Variants in ST8SIA2 observed in about 807,000 individuals in gnomAD.
ST8SIA2 encodes alpha-2,8-sialyltransferase 8B.
A neutral mutation model predicts 37.6 loss-of-function variants in ST8SIA2; 22 were observed. The ratio of observed to expected loss-of-function variants is 0.58; its 90% confidence interval spans 0.42 to 0.83. The LOEUF (loss-of-function observed/expected upper bound fraction) is 0.83. Among genes scored for constraint, ST8SIA2 ranks in the 40% least tolerant of loss-of-function variants. ST8SIA2 has a pLI of 0.00. For synonymous variants in ST8SIA2, 205 were observed against 201.2 expected (o/e 1.02, Z -0.16); for missense variants, 382 against 484.7 (o/e 0.79, Z 1.99).
chr15:92,466,972 G>A lies in ST8SIA2; in HGVS notation c.*2587G>A, dbSNP rs1596254300. 6.6e-6 allele frequency: 1 copy of A among 152,146 alleles called. No homozygotes were observed. The highest frequency in any genetic ancestry group is 2.4e-5 in the African/African-American group (1 of 41,362). The allele number at this position is 152,146 out of a possible 1,614,324, so 9.4% of individuals were successfully genotyped here. A position where few individuals can be genotyped will look rare whatever the true frequency, so the allele number is the denominator to read the frequency against. ...TCTGTACCCGGCCCCGAGATCCTCT[G>A]CTGTAACTGCAGGGTCACAGGCATC... On this transcript the variant is annotated 3_prime_UTR_variant, in exon 6 of 6. Transcript: ENST00000268164.
chr15:92,451,592 G>A (rs913478088), intron 5 of ST8SIA2, among the ~76,000 whole-genome samples: 1 of 152,130 alleles, frequency 6.6e-6, no homozygotes, highest in Non-Finnish European at 1.5e-5. Context: ...CTTGGGTGGT[G>A]ACTCAGAAAG....
chr15:92,443,031 G>C (rs1477992932), intron 4 of ST8SIA2, among the ~76,000 whole-genome samples: 1 of 152,098 alleles, frequency 6.6e-6, no homozygotes, highest in Admixed American at 6.5e-5. Flanking sequence ...TCAGTGCCTG[G>C]CACACACCAG....
chr15:92,422,684 T>C (rs1371175561), intron 1 of ST8SIA2: 1 of 152,624 alleles, frequency 6.6e-6, no homozygotes, highest in Non-Finnish European at 1.5e-5. Flanking sequence ...CCCTTGCCCA[T>C]CTAAGCACTT....
At chr15:92,413,562 G>A (rs901624166) in intron 1 of ST8SIA2, among the ~76,000 whole-genome samples, 4 of 152,132 alleles carry the variant, frequency 2.6e-5, no homozygotes, top group East Asian at 3.9e-4. Context: ...GGTAGTTTCC[G>A]CGCATCCTCA....
chr15:92,445,823 A>G (rs1473970521), intron 5 of ST8SIA2, among the ~76,000 whole-genome samples: 1 of 152,222 alleles, frequency 6.6e-6, no homozygotes, highest in Non-Finnish European at 1.5e-5. Context: ...GTCAACCTGG[A>G]TGGCATTCTT....
rs1424936615 is a variant in ST8SIA2, at chr15:92,435,798, C to G, written c.290+1423C>G. On this transcript the variant is annotated intron_variant, in intron 3 of 5. Coordinates refer to ENST00000268164, the MANE Select transcript of ST8SIA2 (RefSeq NM_006011.4). ...CCTCACGAAGCCCTAACAACCGCCC[C>G]CTTTGATCAGGGACACCGTGGAGTC... is the stretch of plus-strand genomic sequence containing the variant. 2.0e-5 allele frequency among the ~76,000 whole-genome samples: 3 copies of G among 152,138 alleles called. 1 individual carries two copies. The highest frequency in any genetic ancestry group is 7.2e-5 in the African/African-American group (3 of 41,426).
intron 1 of ST8SIA2, among the ~76,000 whole-genome samples, chr15:92,427,445 C>A (rs540345584): frequency 6.6e-6 from 1 of 152,180 alleles, no homozygotes; most frequent in African/African-American, 2.4e-5. Flanking sequence ...TCATCCAGAG[C>A]CACCTTAGAT....
rs1481469709 is a variant in ST8SIA2, at chr15:92,444,761, A to G, written c.674A>G (p.Lys225Arg). The change falls in exon 5 of 6, where the codon AAG becomes AGG. Residue 225 changes from lysine (K) to arginine (R), a missense_variant. By Grantham distance (26) the Lys-to-Arg change is conservative. Coordinates refer to ENST00000268164, the MANE Select transcript of ST8SIA2 (RefSeq NM_006011.4). ...EDLVNATWRE[K>R]LLQRLHSLNG... is the part of the protein sequence containing the mutation. ...TTGGTCAATGCCACGTGGCGGGAGA[A>G]GCTGCTGCAACGGCTGCACAGCCTC... is the stretch of plus-strand genomic sequence containing the variant. 5.6e-6 allele frequency: 9 copies of G among 1,614,038 alleles called. No individual in the cohort carries two copies. Among genetic ancestry groups the G allele is most frequent in the Non-Finnish European group, 7.6e-6 (9 of 1,180,040 alleles).
intron 1 of ST8SIA2, among the ~76,000 whole-genome samples, chr15:92,417,249 G>A (rs1044440131): frequency 6.6e-6 from 1 of 152,180 alleles, no homozygotes; most frequent in African/African-American, 2.4e-5. Flanking sequence ...CCTTCCATCT[G>A]ACACCAAGGC....
intron 2 of ST8SIA2, among the ~76,000 whole-genome samples, chr15:92,432,457 A>G (rs1342370943): frequency 2.0e-5 from 3 of 152,164 alleles, no homozygotes; most frequent in African/African-American, 7.2e-5. Flanking sequence ...CACGAGATGG[A>G]TATCTGTCTC....
chr15:92,396,472 T>G (rs1044822926), intron 1 of ST8SIA2, among the ~76,000 whole-genome samples: 4 of 148,524 alleles, frequency 2.7e-5, no homozygotes, highest in Admixed American at 6.7e-5. Context: ...TTGTTTTTGT[T>G]TTTTTTTTTG....
intron 3 of ST8SIA2, among the ~76,000 whole-genome samples, chr15:92,436,333 G>T (rs1413373955): frequency 6.6e-6 from 1 of 151,980 alleles, no homozygotes; most frequent in Non-Finnish European, 1.5e-5. Context: ...ATTGGATAGA[G>T]AAATAGCTCC....
chr15:92,447,778 C>T (rs1815941364), intron 5 of ST8SIA2, among the ~76,000 whole-genome samples: 1 of 152,166 alleles, frequency 6.6e-6, no homozygotes, highest in Admixed American at 6.5e-5. Flanking sequence ...AGAATGATCC[C>T]CATATGGACA....
chr15:92,405,495 C>T (rs2049501878), intron 1 of ST8SIA2, among the ~76,000 whole-genome samples: 1 of 152,226 alleles, frequency 6.6e-6, no homozygotes, highest in Non-Finnish European at 1.5e-5. Flanking sequence ...TGTGTATTTT[C>T]CCACAATTGA....
intron 5 of ST8SIA2, among the ~76,000 whole-genome samples, chr15:92,453,951 G>A (rs557794732): frequency 6.6e-6 from 1 of 152,286 alleles, no homozygotes; most frequent in Admixed American, 6.5e-5. Context: ...CAACAAATAA[G>A]ATCATCTGAA....
At chr15:92,427,660 G>A (rs899085330) in intron 1 of ST8SIA2, among the ~76,000 whole-genome samples, 3 of 151,998 alleles carry the variant, frequency 2.0e-5, no homozygotes, top group Non-Finnish European at 4.4e-5. Flanking sequence ...CCAGTTTCTT[G>A]TGGGTTTCTT....
chr15:92,402,849 CAGAGAG>C (rs58104024), intron 1 of ST8SIA2, among the ~76,000 whole-genome samples: 3 of 149,602 alleles, frequency 2.0e-5, no homozygotes, highest in Non-Finnish European at 3.0e-5. Context: ...ATCTCATTAC[CAGAGAG>C]AGAGAGAGAG....
In ST8SIA2 at chr15:92,450,688, C is replaced by G. The variant is rs548026361; in HGVS notation, c.842+5759C>G. Among the ~76,000 whole-genome samples, 3 of 152,344 alleles carry G rather than the reference C, an allele frequency of 2.0e-5. No individual in the cohort carries two copies. The East Asian group carries it at 5.8e-4, about 29-fold the overall frequency. ...CCACCGCATGGTGCTAACCCATTCACAAGAAACTGTCCCTGATGATCTAAT... is the reference window on the plus strand; with the variant it reads ...CCACCGCATGGTGCTAACCCATTCAGAAGAAACTGTCCCTGATGATCTAAT... On this transcript the variant is annotated intron_variant, in intron 5 of 5. Transcript: ENST00000268164.
intron 1 of ST8SIA2, among the ~76,000 whole-genome samples, chr15:92,426,905 C>T (rs899322733): frequency 9.9e-5 from 15 of 151,940 alleles, no homozygotes; most frequent in African/African-American, 3.6e-4. Context: ...ATCAACCTGG[C>T]CAACATGGTG....
Sources: gnomAD v4.1 joint callset for allele counts (sites outside exome capture counted in the v4.1 genomes callset) on GRCh38, gnomAD v4.1.1 for gene constraint, MANE v1.5 for transcripts, NCBI Gene and HGNC (gene_info 2026-07-23, HGNC 2026-07-21) for gene names.